CIT: variants seen among roughly 807,000 people sequenced by gnomAD.
CIT encodes the protein citron Rho-interacting kinase.
In CIT, 79 loss-of-function variants were observed where a neutral mutation model predicts 272.7. The ratio of observed to expected loss-of-function variants is 0.29; its 90% CI spans 0.24 to 0.35. The LOEUF is 0.35. CIT is among the 10% of genes least tolerant of loss of function. CIT has a pLI of 1.00. For synonymous variants in CIT, 948 were observed against 995.6 expected (o/e 0.95, Z 0.90); for missense variants, 1,909 against 2,618.3 (o/e 0.73, Z 5.91).
intron 19 of CIT, among the ~76,000 whole-genome samples, chr12:119,763,979 A>G (rs1962127085): frequency 6.6e-6 from 1 of 152,248 alleles, no homozygotes; most frequent in Non-Finnish European, 1.5e-5. Context: ...TTGGCAAGAG[A>G]GTAAGAAATT....
intron 3 of CIT, among the ~76,000 whole-genome samples, chr12:119,860,584 G>T (rs755458772): frequency 6.6e-6 from 1 of 151,922 alleles, no homozygotes. Flanking sequence ...AGTATGCCTT[G>T]GATTGTTTAC....
At position 119,735,334 on chromosome 12, in the gene CIT, C is replaced by G; in HGVS notation, c.2982G>C (p.Gln994His). 6.2e-7 allele frequency: 1 copy of G among 1,614,222 alleles called. No individual in the cohort carries two copies. Among genetic ancestry groups the G allele is most frequent in the Non-Finnish European group, 8.5e-7 (1 of 1,180,036 alleles). Reference sequence around the variant, plus strand: ...CGTTGTCCTCGGTCAGCTGGTTTAGCTGCTCCTCCAGGTCTGTGATTACCT... The same window carrying G: ...CGTTGTCCTCGGTCAGCTGGTTTAGGTGCTCCTCCAGGTCTGTGATTACCT... ...SCTVITDLEE[Q>H]LNQLTEDNAE... The change falls in exon 25 of 48, where the codon CAG (glutamine) becomes CAC (histidine). Residue 994 changes from glutamine (Q) to histidine (H), a missense_variant. Gln to His is a conservative substitution (Grantham distance 24). Transcript: ENST00000392521.
chr12:119,777,995 A>G (rs1386122504), intron 13 of CIT, among the ~76,000 whole-genome samples: 3 of 152,240 alleles, frequency 2.0e-5, no homozygotes, highest in Non-Finnish European at 4.4e-5. Flanking sequence ...GAATTCTGGA[A>G]GGTGAAACTC....
chr12:119,787,937 G>A (rs932583404), intron 10 of CIT, among the ~76,000 whole-genome samples: 2 of 152,114 alleles, frequency 1.3e-5, no homozygotes, highest in Non-Finnish European at 2.9e-5. Context: ...CACTGCAAGT[G>A]TTCGACAAAT....
intron 26 of CIT, among the ~76,000 whole-genome samples, chr12:119,733,874 G>C (rs1958611593): frequency 6.6e-6 from 1 of 152,144 alleles, no homozygotes; most frequent in South Asian, 2.1e-4. Flanking sequence ...CCTCATGAGA[G>C]TTTTCTGCAC....
At chr12:119,787,730 C>CAAAAAAAAAAAAAAAAAAAACA (rs61554565) in intron 10 of CIT, among the ~76,000 whole-genome samples, 1 of 49,078 alleles carries the variant, frequency 2.0e-5, no homozygotes, top group Non-Finnish European at 3.5e-5. Context: ...GACTCCGTCT[C>CAAAAAAAAAAAAAAAAAAAACA]AAAAAAAAAA....
At chr12:119,725,015 G>C (rs1165193647) in intron 28 of CIT, among the ~76,000 whole-genome samples, 1 of 147,980 alleles carries the variant, frequency 6.8e-6, no homozygotes, top group East Asian at 2.0e-4. Context: ...AAATGTGAAA[G>C]ATCCATTAGT....
intron 23 of CIT, among the ~76,000 whole-genome samples, chr12:119,750,212 TC>T (rs1960030724): frequency 6.6e-6 from 1 of 152,170 alleles, no homozygotes; most frequent in African/African-American, 2.4e-5. Flanking sequence ...TTTAGGTGCC[TC>T]CCTTTAAAAG....
chr12:119,822,433 A>C (rs897596514), intron 9 of CIT, among the ~76,000 whole-genome samples: 1 of 152,272 alleles, frequency 6.6e-6, no homozygotes, highest in African/African-American at 2.4e-5. Flanking sequence ...AGCCATTAGC[A>C]GAACAACCTG....
chr12:119,844,210 C>T (rs534476895), intron 5 of CIT, among the ~76,000 whole-genome samples: 52 of 151,954 alleles, frequency 3.4e-4, no homozygotes, highest in Non-Finnish European at 6.2e-4. Flanking sequence ...TTAGTAGAGA[C>T]GGGGTTTCAC....
intron 44 of CIT, among the ~76,000 whole-genome samples, chr12:119,700,256 G>A (rs966949957): frequency 2.6e-5 from 4 of 152,196 alleles, no homozygotes; most frequent in Admixed American, 6.5e-5. Flanking sequence ...GCTCTTCATC[G>A]AGCCTCAGAA....
At chr12:119,757,613 G>T in intron 21 of CIT, 68 bp from the exon 22 acceptor site, 1 of 1,583,520 alleles carries the variant, frequency 6.3e-7, no homozygotes, top group Non-Finnish European at 8.6e-7. Context: ...GTTTCCACGG[G>T]AGGTAGACGG....
intron 23 of CIT, among the ~76,000 whole-genome samples, chr12:119,746,560 C>T (rs78123703): frequency 6.6e-6 from 1 of 152,156 alleles, no homozygotes; most frequent in Non-Finnish European, 1.5e-5. Flanking sequence ...GACAGAAGCC[C>T]TATTCCACTT....
Position 119,725,045 on chromosome 12 carries a change from G to A in CIT, c.3591+3457C>T, listed in dbSNP as rs536559077. 7.8e-4 allele frequency among the ~76,000 whole-genome samples: 118 copies of A among 152,028 alleles called. 2 individuals are homozygous for A. In the South Asian group the frequency reaches 0.016, roughly 20 times the overall value. On this transcript the variant is annotated intron_variant, in intron 28 of 47. Coordinates refer to ENST00000392521, the MANE Select transcript of CIT (RefSeq NM_001206999.2). ...ATTAGTAAAGTTTGTCAGGAGCAAG[G>A]ATAAAGGGAATAGTGCTGGAAATTC...
intron 2 of CIT, among the ~76,000 whole-genome samples, chr12:119,873,466 C>T (rs558402039): frequency 2.0e-4 from 30 of 151,630 alleles, no homozygotes; most frequent in African/African-American, 5.1e-4. Context: ...TTAGTAGAAA[C>T]GGAGGGGCTC....
At position 119,714,323 on chromosome 12, in the gene CIT, G is replaced by A. The variant is rs760626374; in HGVS notation, c.4180C>T (p.Arg1394Cys). The change falls in exon 33 of 48, where the codon CGT becomes TGT. Residue 1394 changes from arginine (R) to cysteine (C), a missense_variant. Arg to Cys is a radical substitution (Grantham distance 180). This residue lies in a region of CIT where 780 missense variants were observed against 1,067.2 expected (regional missense o/e 0.73). Transcript: ENST00000392521. ...TTGTGGTGCATGCGTTCCTTAAGAC[G>A]CCGACTAAATTCTGGAGGAAAATGT... ...ESSTPEEFSR[R>C]LKERMHHNIP... 10 of 1,613,728 alleles carry A rather than the reference G, an allele frequency of 6.2e-6. No individual in the cohort carries two copies. The highest frequency in any genetic ancestry group is 5.3e-5 in the African/African-American group (4 of 74,880).
intron 3 of CIT, among the ~76,000 whole-genome samples, chr12:119,865,536 G>C (rs1184046395): frequency 6.6e-6 from 1 of 152,156 alleles, no homozygotes; most frequent in Non-Finnish European, 1.5e-5. Context: ...AATCTGGTCT[G>C]TGCATTAACT....
At chr12:119,776,953 G>T in intron 13 of CIT, 111 bp from the exon 14 acceptor site, 1 of 1,207,258 alleles carries the variant, frequency 8.3e-7, no homozygotes, top group Non-Finnish European at 1.2e-6. Flanking sequence ...AGTGAAGAGA[G>T]ACTGGCAAAG....
At chr12:119,730,318 T>A (rs1958366852) in intron 27 of CIT, among the ~76,000 whole-genome samples, 177 bp downstream of exon 27, 2 of 150,250 alleles carry the variant, frequency 1.3e-5, no homozygotes, top group African/African-American at 4.9e-5. Flanking sequence ...CCACCCACGC[T>A]ACTGCCAACC....
Sources: gnomAD v4.1 joint callset for allele counts (sites outside exome capture counted in the v4.1 genomes callset) on GRCh38, gnomAD v4.1.1 for gene constraint, gnomAD v4.1.1 regional missense constraint, MANE v1.5 for transcripts, NCBI Gene and HGNC (gene_info 2026-07-23, HGNC 2026-07-21) for gene names.